SLC7A2: variants seen among roughly 807,000 people sequenced by gnomAD.
SLC7A2 encodes cationic amino acid transporter 2.
Under a neutral mutation model 58.9 loss-of-function variants are expected in SLC7A2, and 48 were observed. The ratio of observed to expected loss-of-function variants is 0.82; its 90% confidence interval spans 0.65 to 1.04. SLC7A2 has a LOEUF of 1.04. SLC7A2 is among the 50% of genes least tolerant of loss of function. The pLI is 0.00. For synonymous variants in SLC7A2, 363 were observed against 314.5 expected (o/e 1.15, Z -1.63); for missense variants, 1,029 against 818.8 (o/e 1.26, Z -3.13).
chr8:17,551,630 A>T (rs188320134), intron 6 of SLC7A2, 134 bp from the exon 7 acceptor site: 1 of 688,918 alleles, frequency 1.5e-6, no homozygotes, highest in Non-Finnish European at 2.6e-6. Flanking sequence ...AATAAAATAG[A>T]TGGACCAAGA....
chr8:17,523,663 G>A (rs1801106071), intron 2 of SLC7A2, among the ~76,000 whole-genome samples: 1 of 152,138 alleles, frequency 6.6e-6, no homozygotes, highest in South Asian at 2.1e-4. Context: ...AAAAGTTCTA[G>A]AAGATAACAT....
chr8:17,508,734 TAAAC>T (rs1371561848), intron 2 of SLC7A2, among the ~76,000 whole-genome samples: 2 of 151,882 alleles, frequency 1.3e-5, no homozygotes, highest in African/African-American at 4.8e-5. Context: ...AAAATAAAAA[TAAAC>T]AAATAATAAA....
intron 2 of SLC7A2, among the ~76,000 whole-genome samples, chr8:17,535,306 T>C (rs550880965): frequency 3.4e-5 from 5 of 148,786 alleles, no homozygotes; most frequent in African/African-American, 1.2e-4. Flanking sequence ...CCTCCCGCCC[T>C]CCTTCTCACT....
At position 17,564,945 on chromosome 8, in the gene SLC7A2, A is replaced by G; in HGVS notation, c.1781-5A>G. 6.4e-7 allele frequency: 1 copy of G among 1,570,172 alleles called. No homozygotes were observed. Among genetic ancestry groups the G allele is most frequent in the Admixed American group, 2.1e-5 (1 of 48,582 alleles). On this transcript the variant is annotated splice_region_variant and splice_polypyrimidine_tract_variant and intron_variant, in intron 12 of 12. Transcript: ENST00000494857. ...CATTGATTTTTTTTTTTCCTGCCCC[A>G]ACAGGCTTCCTGATTTACTTTTCTT... is the stretch of plus-strand genomic sequence containing the variant.
intron 2 of SLC7A2, among the ~76,000 whole-genome samples, chr8:17,515,099 G>T (rs1007629476): frequency 1.3e-5 from 2 of 152,098 alleles, no homozygotes; most frequent in African/African-American, 4.8e-5. Flanking sequence ...ACTGAAAAAA[G>T]ATTTGTTGCA....
intron 2 of SLC7A2, among the ~76,000 whole-genome samples, chr8:17,535,726 A>C (rs1227296973): frequency 6.6e-6 from 1 of 152,108 alleles, no homozygotes; most frequent in Non-Finnish European, 1.5e-5. Context: ...AACATGGTGA[A>C]ACCCTGTCTC....
At chr8:17,554,819 TG>T (rs1802615841) in intron 8 of SLC7A2, 120 bp downstream of exon 8, 1 of 1,444,234 alleles carries the variant, frequency 6.9e-7, no homozygotes, top group East Asian at 2.3e-5. Context: ...GTCACTTTTT[TG>T]TGAGTGTTTC....
chr8:17,505,616 T>G (rs1206706527), intron 2 of SLC7A2, among the ~76,000 whole-genome samples: 2 of 152,180 alleles, frequency 1.3e-5, no homozygotes, highest in South Asian at 4.1e-4. Flanking sequence ...AGAAACAAAT[T>G]TACTTGAGTT....
chr8:17,507,653 A>T (rs28690260), intron 2 of SLC7A2, among the ~76,000 whole-genome samples: 58,661 of 152,052 alleles, frequency 0.39, 11,436 homozygotes, highest in South Asian at 0.54. Context: ...TGTGTCCTAT[A>T]AATATGTACA....
At chr8:17,531,671 A>G (rs1801456025) in intron 2 of SLC7A2, among the ~76,000 whole-genome samples, 1 of 152,094 alleles carries the variant, frequency 6.6e-6, no homozygotes, top group Non-Finnish European at 1.5e-5. Flanking sequence ...ATCAAAATGC[A>G]TGTTTTTAGG....
intron 2 of SLC7A2, among the ~76,000 whole-genome samples, chr8:17,537,200 G>C (rs1196080558): frequency 6.6e-6 from 1 of 152,164 alleles, no homozygotes; most frequent in African/African-American, 2.4e-5. Flanking sequence ...GGGATTACAG[G>C]CACGTAACAC....
At position 17,564,942 on chromosome 8, in the gene SLC7A2, C is replaced by T. The variant is rs773032150; in HGVS notation, c.1781-8C>T. The T allele has an allele frequency of 1.3e-6, 2 of 1,562,862 alleles. No homozygotes were observed. The highest frequency in any genetic ancestry group is 1.4e-5 in the African/African-American group (1 of 71,902). On this transcript the variant is annotated splice_region_variant and splice_polypyrimidine_tract_variant and intron_variant, in intron 12 of 12. Transcript: ENST00000494857. The stretch of plus-strand genomic sequence containing the variant: ...AAACATTGATTTTTTTTTTTCCTGC[C>T]CCAACAGGCTTCCTGATTTACTTTT...
At chr8:17,532,152 C>T (rs1321710159) in intron 2 of SLC7A2, among the ~76,000 whole-genome samples, 1 of 141,446 alleles carries the variant, frequency 7.1e-6, no homozygotes, top group East Asian at 2.2e-4. Context: ...ATCACTTGAA[C>T]CCGGGAGGCG....
chr8:17,524,239 C>G (rs1801130408), intron 2 of SLC7A2, among the ~76,000 whole-genome samples: 1 of 152,186 alleles, frequency 6.6e-6, no homozygotes, highest in African/African-American at 2.4e-5. Flanking sequence ...TTTGATCCAG[C>G]AGTCCCACTA....
Position 17,514,066 on chromosome 8 carries a change from A to G in SLC7A2, c.-23+11764A>G, listed in dbSNP as rs17124740. Among the ~76,000 whole-genome samples, 380 of 152,296 alleles carry G rather than the reference A, an allele frequency of 2.5e-3. 1 individual carries two copies. The highest frequency in any genetic ancestry group is 8.1e-3 in the African/African-American group (337 of 41,550). On this transcript the variant is annotated intron_variant, in intron 2 of 12. Transcript: ENST00000494857. ...CCCGTAATAGTCTTAGTTCTTCTCT[A>G]CAAGGGTATATGGTCAGCCCTTATT...
intron 2 of SLC7A2, among the ~76,000 whole-genome samples, chr8:17,538,233 C>G (rs982167089): frequency 6.6e-6 from 1 of 152,144 alleles, no homozygotes; most frequent in Non-Finnish European, 1.5e-5. Flanking sequence ...GTGCTTGTAA[C>G]TTTGTAGTGG....
chr8:17,522,492 C>G (rs980975058), intron 2 of SLC7A2, among the ~76,000 whole-genome samples: 1 of 152,112 alleles, frequency 6.6e-6, no homozygotes, highest in Non-Finnish European at 1.5e-5. Context: ...GTTTGTACCA[C>G]CCTGATAAGT....
chr8:17,533,789 T>C (rs1196146611), intron 2 of SLC7A2, among the ~76,000 whole-genome samples: 1 of 152,210 alleles, frequency 6.6e-6, no homozygotes, highest in African/African-American at 2.4e-5. Flanking sequence ...AGAATACATG[T>C]GCAGGACGTG....
At position 17,547,764 on chromosome 8, in the gene SLC7A2, A is replaced by G. The variant is rs192420680; in HGVS notation, c.533-914A>G. ...TTATGCAGCTGTTAAAAATGAGATT[A>G]TATATTTACTGGCACAAAAGAGTGT... On this transcript the variant is annotated intron_variant, in intron 4 of 12. Transcript: ENST00000494857. Among the ~76,000 whole-genome samples the G allele has an allele frequency of 2.7e-5, 4 of 148,876 alleles. No homozygotes were observed. The East Asian group carries it at 8.0e-4, about 30-fold the overall frequency.
Sources: allele counts gnomAD v4.1 joint callset (sites outside exome capture counted in the v4.1 genomes callset), GRCh38; gene constraint gnomAD v4.1.1; transcripts MANE v1.5; gene names NCBI Gene and HGNC (gene_info 2026-07-23, HGNC 2026-07-21).